KSR2: variants seen among roughly 807,000 people sequenced by gnomAD.
KSR2 encodes kinase suppressor of ras 2.
In KSR2, 25 loss-of-function variants were observed where a neutral mutation model predicts 107.8. The ratio of observed to expected loss-of-function variants is 0.23; its 90% CI spans 0.17 to 0.32. The LOEUF (loss-of-function observed/expected upper bound fraction) is 0.32, where lower values mean the gene tolerates loss of function less well. Among genes scored for constraint, KSR2 ranks in the 10% least tolerant of loss-of-function variants. The probability of loss-of-function intolerance (pLI) is 1.00; values close to 1 mark genes in which losing one functional copy is unlikely to be tolerated. For synonymous variants in KSR2, 480 were observed against 507.0 expected (o/e 0.95, Z 0.71); for missense variants, 887 against 1,268.9 (o/e 0.70, Z 4.57).
At chr12:117,502,148 T>C (rs1301742502) in intron 14 of KSR2, among the ~76,000 whole-genome samples, 1 of 152,248 alleles carries the variant, frequency 6.6e-6, no homozygotes, top group African/African-American at 2.4e-5. Flanking sequence ...TGCAGGTGTA[T>C]GTCTGCGTCT....
Position 117,548,959 on chromosome 12 carries a change from A to G in KSR2, c.1518+6210T>C, listed in dbSNP as rs79410862. Among the ~76,000 whole-genome samples, 543 of 152,306 alleles carry G rather than the reference A, an allele frequency of 3.6e-3. 2 individuals are homozygous for G. Among genetic ancestry groups the G allele is most frequent in the African/African-American group, 0.013 (521 of 41,558 alleles). On this transcript the variant is annotated intron_variant, in intron 9 of 19. Transcript: ENST00000339824. ...CAATTTGATCTCAGACCCTGTGTGG[A>G]AGAAATAAATGTGAGCCCCAGTAGA...
chr12:117,847,292 G>A (rs1892740249), intron 3 of KSR2, among the ~76,000 whole-genome samples: 1 of 152,220 alleles, frequency 6.6e-6, no homozygotes, highest in East Asian at 1.9e-4. Flanking sequence ...GGCATTCTGG[G>A]GGGCTTCATT....
At chr12:117,958,567 T>G (rs1896577333) in intron 1 of KSR2, among the ~76,000 whole-genome samples, 1 of 152,146 alleles carries the variant, frequency 6.6e-6, no homozygotes, top group Non-Finnish European at 1.5e-5. Flanking sequence ...AGGTCTGTAA[T>G]CCCAGCAATT....
chr12:117,468,777 T>C (rs554572902), intron 19 of KSR2, among the ~76,000 whole-genome samples: 2 of 152,364 alleles, frequency 1.3e-5, no homozygotes, highest in South Asian at 4.1e-4. Context: ...TGGCTATGTA[T>C]GCAGGCTTCT....
intron 15 of KSR2, among the ~76,000 whole-genome samples, chr12:117,484,838 C>G (rs1045123153): frequency 6.6e-6 from 1 of 152,172 alleles, no homozygotes; most frequent in Non-Finnish European, 1.5e-5. Flanking sequence ...AAAAAGATCC[C>G]CAGGGAAAGG....
At chr12:117,544,945 G>A (rs1435573131) in intron 9 of KSR2, among the ~76,000 whole-genome samples, 1 of 152,174 alleles carries the variant, frequency 6.6e-6, no homozygotes, top group African/African-American at 2.4e-5. Flanking sequence ...TCATCACTAA[G>A]TATAATGTTA....
chr12:117,539,487 C>T, intron 10 of KSR2: 1 of 463,500 alleles, frequency 2.2e-6, no homozygotes, highest in African/African-American at 2.0e-5. Flanking sequence ...GTAAAATGAG[C>T]TGATAATGCT....
At chr12:117,714,889 C>A (rs540615221) in intron 4 of KSR2, among the ~76,000 whole-genome samples, 1 of 152,218 alleles carries the variant, frequency 6.6e-6, no homozygotes, top group South Asian at 2.1e-4. Context: ...CTCAGCAGTG[C>A]CAAGGTTGAG....
At chr12:117,958,504 C>T (rs539599483) in intron 1 of KSR2, among the ~76,000 whole-genome samples, 108 of 152,222 alleles carry the variant, frequency 7.1e-4, no homozygotes, top group African/African-American at 2.3e-3. Flanking sequence ...AACATAAGCA[C>T]CTGACAATAG....
Position 117,477,030 on chromosome 12 carries a change from T to C in KSR2, c.2451-435A>G, listed in dbSNP as rs899111927. ...ACTTATCTAACAGATTCTGTTTTATTTTACATAATAGACTATGGGGCTCAG... is the reference window on the plus strand; with the variant it reads ...ACTTATCTAACAGATTCTGTTTTATCTTACATAATAGACTATGGGGCTCAG... On this transcript the variant is annotated intron_variant, in intron 16 of 19. Transcript: ENST00000339824. Among the ~76,000 whole-genome samples, 13 of 152,324 alleles carry C rather than the reference T, an allele frequency of 8.5e-5. 1 individual carries two copies. Among genetic ancestry groups the C allele is most frequent in the Admixed American group, 8.5e-4 (13 of 15,302 alleles).
chr12:117,887,852 T>C (rs1894222539), intron 1 of KSR2, among the ~76,000 whole-genome samples: 2 of 152,144 alleles, frequency 1.3e-5, no homozygotes, highest in African/African-American at 4.8e-5. Flanking sequence ...CCACCCCTCA[T>C]ATCCCACTGG....
chr12:117,610,331 T>C (rs972238477), intron 5 of KSR2, among the ~76,000 whole-genome samples: 1 of 152,108 alleles, frequency 6.6e-6, no homozygotes, highest in Non-Finnish European at 1.5e-5. Context: ...TGTTTTAGAA[T>C]AACAGAATTG....
intron 4 of KSR2, among the ~76,000 whole-genome samples, chr12:117,748,775 C>T (rs1456054591): frequency 2.0e-5 from 3 of 152,100 alleles, no homozygotes; most frequent in Non-Finnish European, 4.4e-5. Context: ...TTATCCCTGT[C>T]TTAATTTAGG....
rs559237586 is a variant in KSR2, at chr12:117,888,642, G to A, written c.181-28211C>T. On this transcript the variant is annotated intron_variant, in intron 1 of 19. Transcript: ENST00000339824. Reference sequence around the variant, plus strand: ...GTGAGGACACAGAAAGAAGGTGGCCGTCTGCAAGCCAAGAATAGAGCCCTC... The same window carrying A: ...GTGAGGACACAGAAAGAAGGTGGCCATCTGCAAGCCAAGAATAGAGCCCTC... Among the ~76,000 whole-genome samples, 13 of 152,302 alleles carry A rather than the reference G, an allele frequency of 8.5e-5. 1 individual carries two copies. In the South Asian group the frequency reaches 1.5e-3, roughly 17 times the overall value.
chr12:117,949,070 G>A (rs1240818875), intron 1 of KSR2, among the ~76,000 whole-genome samples: 3 of 151,856 alleles, frequency 2.0e-5, no homozygotes, highest in Non-Finnish European at 4.4e-5. Flanking sequence ...CTCCAGCCTG[G>A]GAGACAAGAG....
At chr12:117,789,454 T>C (rs1890185430) in intron 3 of KSR2, among the ~76,000 whole-genome samples, 1 of 152,214 alleles carries the variant, frequency 6.6e-6, no homozygotes, top group African/African-American at 2.4e-5. Context: ...GCCTCATGTA[T>C]CCACCAGGGA....
At chr12:117,713,467 T>C (rs1886869801) in intron 4 of KSR2, among the ~76,000 whole-genome samples, 1 of 152,146 alleles carries the variant, frequency 6.6e-6, no homozygotes, top group Non-Finnish European at 1.5e-5. Context: ...CAAAGGAATG[T>C]GCAACAAATG....
intron 1 of KSR2, among the ~76,000 whole-genome samples, chr12:117,873,880 A>T (rs1669883578): frequency 3.3e-5 from 5 of 152,216 alleles, no homozygotes; most frequent in Admixed American, 3.3e-4. Context: ...GTACCTTTGG[A>T]TAAGCACAGA....
chr12:117,613,220 T>G (rs989688192), intron 5 of KSR2, among the ~76,000 whole-genome samples: 1 of 152,238 alleles, frequency 6.6e-6, no homozygotes, highest in African/African-American at 2.4e-5. Context: ...GTAACCTCAC[T>G]GGAAAGCAAT....
Sources: gnomAD v4.1 joint callset for allele counts (sites outside exome capture counted in the v4.1 genomes callset) on GRCh38, gnomAD v4.1.1 for gene constraint, MANE v1.5 for transcripts, NCBI Gene and HGNC (gene_info 2026-07-23, HGNC 2026-07-21) for gene names.